FGFRL1: variants seen among roughly 807,000 people sequenced by gnomAD.
The protein encoded by FGFRL1 is fibroblast growth factor receptor like 1.
A neutral mutation model predicts 36.8 loss-of-function variants in FGFRL1; 24 were observed. That is an observed-to-expected ratio of 0.65 (90% CI 0.47 to 0.92). The LOEUF is 0.92. FGFRL1 is among the 40% of genes least tolerant of loss of function. The probability of loss-of-function intolerance (pLI) is 0.00; values close to 1 mark genes in which losing one functional copy is unlikely to be tolerated. For synonymous variants in FGFRL1, 422 were observed against 344.1 expected (o/e 1.23, Z -2.50); for missense variants, 785 against 753.4 (o/e 1.04, Z -0.49).
chr4:1,023,426 G>A lies in FGFRL1; in HGVS notation c.353-215G>A, dbSNP rs528981193. On this transcript the variant is annotated intron_variant, in intron 3 of 6. Coordinates refer to ENST00000510644, the MANE Select transcript of FGFRL1 (RefSeq NM_001004356.3). This position sits in a 1 kb window ranked among gnomAD's most constrained non-coding sequence, Gnocchi z 6.0. The stretch of plus-strand genomic sequence containing the variant: ...GGGGGCCGGCCCTCCAGCCCCACCC[G>A]TGCCCATCAGGGTCACCTGCGCCCA... Among the ~76,000 whole-genome samples the A allele has an allele frequency of 1.3e-3, 197 of 152,274 alleles. No homozygotes were observed. The highest frequency in any genetic ancestry group is 4.3e-3 in the African/African-American group (177 of 41,558).
At chr4:1,011,526 TG>T (rs1363172525), upstream of FGFRL1, among the ~76,000 whole-genome samples, 3 of 75,276 alleles carry the variant, frequency 4.0e-5, no homozygotes, top group African/African-American at 1.5e-4. Context: ...GGGAAAAGTT[TG>T]GCGGCGGGGC....
intron 2 of FGFRL1, among the ~76,000 whole-genome samples, chr4:1,018,523 C>T (rs1404708340): frequency 1.3e-5 from 2 of 152,164 alleles, no homozygotes; most frequent in African/African-American, 2.4e-5. Context: ...GGGGGCCTCT[C>T]GGCTGTGGCT....
intron 2 of FGFRL1, among the ~76,000 whole-genome samples, chr4:1,013,029 C>T (rs889368946): frequency 7.2e-5 from 11 of 152,236 alleles, no homozygotes; most frequent in African/African-American, 2.6e-4. Flanking sequence ...CTGAAACTGA[C>T]CCCCAGACCC....
At chr4:1,013,499 C>T (rs540561976) in intron 2 of FGFRL1, among the ~76,000 whole-genome samples, 5 of 152,054 alleles carry the variant, frequency 3.3e-5, no homozygotes, top group East Asian at 1.9e-4. Flanking sequence ...GGGTGGCGGG[C>T]GGTGACCAGG....
chr4:1,023,801 C>A lies in FGFRL1; in HGVS notation c.434-16C>A. The A allele has an allele frequency of 6.4e-7, 1 of 1,569,946 alleles. No homozygotes were observed. The highest frequency in any genetic ancestry group is 8.6e-7 in the Non-Finnish European group (1 of 1,157,360). ...GCATCCCCGTCCTCTGACCTCCACG[C>A]CACCCCACCCCGCAGCACGACCGCG... On this transcript the variant is annotated splice_polypyrimidine_tract_variant and intron_variant, in intron 4 of 6. Transcript: ENST00000510644. This position sits in a 1 kb window ranked among gnomAD's most constrained non-coding sequence, Gnocchi z 6.0.
At chr4:1,019,678 A>C (rs1398245760) in intron 2 of FGFRL1, among the ~76,000 whole-genome samples, 1 of 152,082 alleles carries the variant, frequency 6.6e-6, no homozygotes, top group Non-Finnish European at 1.5e-5. Flanking sequence ...GTGGGCTGGC[A>C]GCCCCCCACA....
rs1489134813 is a variant in FGFRL1, at chr4:1,023,367, C to T, written c.353-274C>T. On this transcript the variant is annotated intron_variant, in intron 3 of 6. Transcript: ENST00000510644. This position sits in a 1 kb window ranked among gnomAD's most constrained non-coding sequence, Gnocchi z 6.0. Reference sequence around the variant, plus strand: ...TGCTGGCCGGGCCCGGCTCCCTCCTCCCCCGGGGCCTGCAGACCCCCCGGA... The same window carrying T: ...TGCTGGCCGGGCCCGGCTCCCTCCTTCCCCGGGGCCTGCAGACCCCCCGGA... Among the ~76,000 whole-genome samples, 2 of 152,148 alleles carry T rather than the reference C, an allele frequency of 1.3e-5. No individual in the cohort carries two copies. The highest frequency in any genetic ancestry group is 1.9e-4 in the East Asian group (1 of 5,192).
chr4:1,025,085 G>A lies in FGFRL1; in HGVS notation c.1253G>A (p.Arg418His). 8 of 1,609,618 alleles carry A rather than the reference G, an allele frequency of 5.0e-6. No homozygotes were observed. Among genetic ancestry groups the A allele is most frequent in the Non-Finnish European group, 5.9e-6 (7 of 1,178,382 alleles). The stretch of plus-strand genomic sequence containing the variant: ...CCTGCCCCTCCCCTGCCTGGGCACC[G>A]CCCGCCGGGGACGGCCCGCGACCGC... ...PAPAPPLPGHRPPGTARDRSG... is the reference protein window; with the variant it reads ...PAPAPPLPGHHPPGTARDRSG... Residue 418 changes from arginine (R) to histidine (H), a missense_variant, in exon 7 of 7, where the codon CGC becomes CAC. Coordinates refer to ENST00000510644, the MANE Select transcript of FGFRL1 (RefSeq NM_001004356.3).
intron 3 of FGFRL1, 133 bp downstream of exon 3, chr4:1,022,608 T>C: frequency 6.1e-6 from 7 of 1,148,292 alleles, no homozygotes; most frequent in Non-Finnish European, 8.3e-6. Flanking sequence ...TTCGGTGCCC[T>C]GCCCCACCTC....
intron 2 of FGFRL1, 37 bp from the exon 3 acceptor site, chr4:1,022,165 GC>G (rs747959173): frequency 6.8e-7 from 1 of 1,472,846 alleles, no homozygotes; most frequent in South Asian, 1.4e-5. Flanking sequence ...CGGACCCCAA[GC>G]CCCTCCTCGC....
Position 1,022,025 on chromosome 4 carries a change from G to A in FGFRL1, c.80-178G>A, listed in dbSNP as rs147864654. Among the ~76,000 whole-genome samples, 1,047 of 152,320 alleles carry A rather than the reference G, an allele frequency of 6.9e-3. 7 individuals are homozygous for A. Among genetic ancestry groups the A allele is most frequent in the Non-Finnish European group, 0.011 (746 of 68,010 alleles). On this transcript the variant is annotated intron_variant, in intron 2 of 6. Transcript: ENST00000510644. ...GTGCTCAGGGCTTTGGTGCATGTGG[G>A]CAGCTGAGGCCTGGGTCAGGGGCAC...
At chr4:1,012,735 A>G (rs999603793) in intron 2 of FGFRL1, among the ~76,000 whole-genome samples, 171 bp downstream of exon 2, 1 of 151,632 alleles carries the variant, frequency 6.6e-6, no homozygotes, top group African/African-American at 2.4e-5. Context: ...TGGGCTGTCC[A>G]CAGCACCCAC....
intron 2 of FGFRL1, among the ~76,000 whole-genome samples, chr4:1,019,737 G>A (rs1346255915): frequency 1.3e-5 from 2 of 152,238 alleles, no homozygotes. Context: ...GGTAGGGAAG[G>A]AGGGGCTTCA....
At chr4:1,022,118 TG>T in intron 2 of FGFRL1, 84 bp from the exon 3 acceptor site, 1 of 1,081,914 alleles carries the variant, frequency 9.2e-7, no homozygotes, top group Non-Finnish European at 1.3e-6. Context: ...AGGTCTGTGC[TG>T]GGCCGTGGGT....
chr4:1,026,814 C>T lies in FGFRL1; in HGVS notation c.*1467C>T, dbSNP rs777493059. The T allele has an allele frequency of 4.4e-6, 2 of 455,472 alleles. No homozygotes were observed. The highest frequency in any genetic ancestry group is 8.8e-6 in the Non-Finnish European group (2 of 226,458). 28.2% of individuals were successfully genotyped at this position (455,472 alleles called of 1,614,324 possible). On this transcript the variant is annotated 3_prime_UTR_variant, in exon 7 of 7. Coordinates refer to ENST00000510644, the MANE Select transcript of FGFRL1 (RefSeq NM_001004356.3). ...CCCCACTGTCGTGGTGGCCCCAGATCTCTGTAATTTTATGTAGAGTTTGAG... is the reference window on the plus strand; with the variant it reads ...CCCCACTGTCGTGGTGGCCCCAGATTTCTGTAATTTTATGTAGAGTTTGAG...
At chr4:1,022,616 C>T (rs1040561043) in intron 3 of FGFRL1, 141 bp downstream of exon 3, 2 of 1,068,392 alleles carry the variant, frequency 1.9e-6, no homozygotes, top group Non-Finnish European at 2.6e-6. Context: ...CCTGCCCCAC[C>T]TCAGCTGGCT....
intron 2 of FGFRL1, among the ~76,000 whole-genome samples, chr4:1,016,716 G>A (rs114060203): frequency 0.015 from 2,255 of 152,252 alleles, 47 homozygotes; most frequent in African/African-American, 0.049. Flanking sequence ...GTGACTGTGT[G>A]TGCCCTGGGT....
Position 1,025,806 on chromosome 4 carries a change from T to G in FGFRL1, c.*459T>G. 4.9e-6 allele frequency: 1 copy of G among 203,218 alleles called. No homozygotes were observed. The highest frequency in any genetic ancestry group is 9.8e-6 in the Non-Finnish European group (1 of 101,802). The allele number at this position is 203,218 out of a possible 1,614,324, so 12.6% of individuals were successfully genotyped here. A position where few individuals can be genotyped will look rare whatever the true frequency, so the allele number is the denominator to read the frequency against. Reference sequence around the variant, plus strand: ...GTATCCGGACACACACGTGCACAGATATGCTGCCTGGACACACAGATAATG... The same window carrying G: ...GTATCCGGACACACACGTGCACAGAGATGCTGCCTGGACACACAGATAATG... On this transcript the variant is annotated 3_prime_UTR_variant, in exon 7 of 7. Coordinates refer to ENST00000510644, the MANE Select transcript of FGFRL1 (RefSeq NM_001004356.3).
rs531075308 is a variant in FGFRL1 at position 1,025,426 on chromosome 4, G to C, written c.*79G>C. On this transcript the variant is annotated 3_prime_UTR_variant, in exon 7 of 7. Coordinates refer to ENST00000510644, the MANE Select transcript of FGFRL1 (RefSeq NM_001004356.3). ...GAGGATGGAGGACGGAGCTGCAGAC[G>C]AAGGCAGGGGACCCATGGCGAGGAG... The C allele has an allele frequency of 6.8e-7, 1 of 1,476,992 alleles. No homozygotes were observed. Among genetic ancestry groups the C allele is most frequent in the Admixed American group, 2.2e-5 (1 of 45,720 alleles). 91.5% of individuals were successfully genotyped at this position (1,476,992 alleles called of 1,614,324 possible).
Sources: gnomAD v4.1 joint callset for allele counts (sites outside exome capture counted in the v4.1 genomes callset) on GRCh38, gnomAD v4.1.1 for gene constraint, Gnocchi (gnomAD v3.1) non-coding constraint, MANE v1.5 for transcripts, NCBI Gene and HGNC (gene_info 2026-07-23, HGNC 2026-07-21) for gene names.